Variants in PLCH1 observed in about 807,000 individuals in gnomAD.
PLCH1 encodes the protein phospholipase C eta 1, also known as 1-phosphatidylinositol 4,5-bisphosphate phosphodiesterase eta-1.
A neutral mutation model predicts 126.7 loss-of-function variants in PLCH1; 60 were observed. That is an observed-to-expected ratio of 0.47 (90% CI 0.38 to 0.59). PLCH1 has a LOEUF of 0.59. PLCH1 is among the 20% of genes least tolerant of loss of function. The probability of loss-of-function intolerance (pLI) is 0.00; values close to 1 mark genes in which losing one functional copy is unlikely to be tolerated. For synonymous variants in PLCH1, 719 were observed against 734.9 expected (o/e 0.98, Z 0.35); for missense variants, 1,723 against 2,040.0 (o/e 0.84, Z 2.99).
chr3:155,589,073 C>T (rs1428606077), intron 4 of PLCH1, among the ~76,000 whole-genome samples: 1 of 152,050 alleles, frequency 6.6e-6, no homozygotes, highest in Admixed American at 6.5e-5. Flanking sequence ...GAGAAACAGT[C>T]ATTCCTCAGA....
chr3:155,504,486 A>T, intron 13 of PLCH1, 69 bp downstream of exon 13: 1 of 854,084 alleles, frequency 1.2e-6, no homozygotes, highest in Non-Finnish European at 2.0e-6. Flanking sequence ...TCATGATGAT[A>T]TTCTCCTGTT....
At chr3:155,531,486 G>A (rs673417) in intron 10 of PLCH1, among the ~76,000 whole-genome samples, 119,670 of 151,866 alleles carry the variant, frequency 0.79, 49,523 homozygotes, top group Middle Eastern at 0.95. Context: ...TTAGCTGGGC[G>A]TGGTGGCACG....
At chr3:155,676,113 A>G in intron 2 of PLCH1, 9 of 1,407,732 alleles carry the variant, frequency 6.4e-6, no homozygotes, top group Non-Finnish European at 8.4e-6. Context: ...TTTTCCTGAT[A>G]CACATTTCCA....
chr3:155,728,145 C>T (rs1392243416), intron 1 of PLCH1, among the ~76,000 whole-genome samples: 1 of 152,118 alleles, frequency 6.6e-6, no homozygotes, highest in Non-Finnish European at 1.5e-5. Flanking sequence ...TGGTTCATTG[C>T]ATTTAGGAAA....
intron 10 of PLCH1, among the ~76,000 whole-genome samples, chr3:155,541,270 T>C (rs1724191244): frequency 1.3e-5 from 2 of 152,146 alleles, no homozygotes; most frequent in African/African-American, 4.8e-5. Context: ...AAAAGACTGC[T>C]CACTGGGTAC....
At chr3:155,586,264 G>A (rs558841518) in intron 4 of PLCH1, 70 bp from the exon 5 acceptor site, 22 of 1,499,072 alleles carry the variant, frequency 1.5e-5, no homozygotes, top group South Asian at 5.9e-5. Flanking sequence ...CAGAATACTC[G>A]CAAAGACATT....
At chr3:155,700,494 G>A (rs358710) in intron 2 of PLCH1, among the ~76,000 whole-genome samples, 60,651 of 151,984 alleles carry the variant, frequency 0.4, 12,860 homozygotes, top group African/African-American at 0.53. Flanking sequence ...TGGTTATTCC[G>A]AAATATTCAT....
chr3:155,511,309 C>G lies in PLCH1; in HGVS notation c.1632+3414G>C, dbSNP rs570871156. Among the ~76,000 whole-genome samples, 5 of 134,202 alleles carry G rather than the reference C, an allele frequency of 3.7e-5. No individual in the cohort carries two copies. In the East Asian group the frequency reaches 6.2e-4, roughly 17 times the overall value. 88.0% of individuals were successfully genotyped at this position (134,202 alleles called of 152,430 possible). On this transcript the variant is annotated intron_variant, in intron 12 of 22. Transcript: ENST00000460012. ...TTTGCCTTTGGTTTGAATGTCTTCC[C>G]GTAGCTCAGAGTAATTTGATCGTCT... is the stretch of plus-strand genomic sequence containing the variant.
intron 14 of PLCH1, 89 bp downstream of exon 14, chr3:155,500,612 TTC>T: frequency 1.3e-6 from 1 of 762,742 alleles, no homozygotes. Flanking sequence ...TGTGATCCAA[TTC>T]TCTAGACATG....
chr3:155,596,261 C>A lies in PLCH1; in HGVS notation c.197G>T (p.Arg66Leu), dbSNP rs776740395. Residue 66 changes from arginine (R) to leucine (L), a missense_variant, in exon 3 of 23, where the codon CGA (arginine) becomes CTA (leucine). Arg to Leu is a moderately radical substitution (Grantham distance 102). Coordinates refer to ENST00000460012, the MANE Select transcript of PLCH1 (RefSeq NM_014996.4). ...LDEHRTRLRW[R>L]PSRKSEKAKI... Reference sequence around the variant, plus strand: ...TGCCTTCTCACTCTTCCTAGAGGGTCGCCATCGGAGGCGTGTCCGGTGCTC... The same window carrying A: ...TGCCTTCTCACTCTTCCTAGAGGGTAGCCATCGGAGGCGTGTCCGGTGCTC... 1 of 1,613,450 alleles carries A rather than the reference C, an allele frequency of 6.2e-7. No individual in the cohort carries two copies. Among genetic ancestry groups the A allele is most frequent in the Admixed American group, 1.7e-5 (1 of 59,988 alleles).
rs369403020 is a variant in PLCH1, at chr3:155,707,306, C to T, written c.-40-3042G>A. 5.3e-5 allele frequency among the ~76,000 whole-genome samples: 8 copies of T among 152,220 alleles called. No homozygotes were observed. The South Asian group carries it at 1.5e-3, about 28-fold the overall frequency. Reference sequence around the variant, plus strand: ...AAATGAATCTACAGATGATTCTAACCCCAAGTATTTCAGATGAGGCCACAG... The same window carrying T: ...AAATGAATCTACAGATGATTCTAACTCCAAGTATTTCAGATGAGGCCACAG... On this transcript the variant is annotated intron_variant, in intron 1 of 22. Transcript: ENST00000460012.
chr3:155,657,439 G>A (rs1234199477), intron 2 of PLCH1, among the ~76,000 whole-genome samples: 1 of 152,180 alleles, frequency 6.6e-6, no homozygotes, highest in East Asian at 1.9e-4. Context: ...GGAAACAGCT[G>A]CCTAGAGAAG....
At chr3:155,744,681 C>T (rs149014741) in intron 1 of PLCH1, among the ~76,000 whole-genome samples, 159 bp downstream of exon 1, 2 of 152,280 alleles carry the variant, frequency 1.3e-5, no homozygotes, top group African/African-American at 4.8e-5. Context: ...GATCCCCACG[C>T]ACAGCACTCA....
intron 2 of PLCH1, among the ~76,000 whole-genome samples, chr3:155,653,481 C>T (rs1049378046): frequency 6.6e-6 from 1 of 152,206 alleles, no homozygotes; most frequent in Non-Finnish European, 1.5e-5. Context: ...CACACATGCA[C>T]TCAATTCCTT....
At chr3:155,686,071 C>T (rs1277351814) in intron 2 of PLCH1, among the ~76,000 whole-genome samples, 1 of 152,042 alleles carries the variant, frequency 6.6e-6, no homozygotes, top group Non-Finnish European at 1.5e-5. Flanking sequence ...GGCAAAGGGC[C>T]ATGAGGTATG....
At chr3:155,539,871 C>T (rs1005629254) in intron 10 of PLCH1, among the ~76,000 whole-genome samples, 18 of 151,954 alleles carry the variant, frequency 1.2e-4, no homozygotes, top group South Asian at 6.2e-4. Context: ...TCATTCCTCA[C>T]AAAACTGGAA....
chr3:155,596,222 T>C lies in PLCH1; in HGVS notation c.226+10A>G. 1 of 1,609,056 alleles carries C rather than the reference T, an allele frequency of 6.2e-7. No homozygotes were observed. The highest frequency in any genetic ancestry group is 8.5e-7 in the Non-Finnish European group (1 of 1,176,034). ...TCCAGCCAAGCAAAGAATTCAAAGA[T>C]TTGTTTTACTTTTTGCCTTCTCACT... On this transcript the variant is annotated intron_variant, in intron 3 of 22. Coordinates refer to ENST00000460012, the MANE Select transcript of PLCH1 (RefSeq NM_014996.4).
rs1466919685 is a variant in PLCH1 at position 155,561,311 on chromosome 3, G to A, written c.1069+3604C>T. 4.7e-5 allele frequency among the ~76,000 whole-genome samples: 6 copies of A among 126,546 alleles called. No individual in the cohort carries two copies. In the East Asian group the frequency reaches 1.4e-3, roughly 29 times the overall value. The allele number at this position is 126,546 out of a possible 152,430, so 83.0% of individuals were successfully genotyped here. A position where few individuals can be genotyped will look rare whatever the true frequency, so the allele number is the denominator to read the frequency against. On this transcript the variant is annotated intron_variant, in intron 8 of 22. Transcript: ENST00000460012. ...CCCCCACCCCACAACAGTCCCCAGA[G>A]TGTGATGTTCCCCTTCCTGTGTCCA... is the stretch of plus-strand genomic sequence containing the variant.
At chr3:155,636,609 G>T (rs1738752568) in intron 2 of PLCH1, among the ~76,000 whole-genome samples, 1 of 152,054 alleles carries the variant, frequency 6.6e-6, no homozygotes, top group African/African-American at 2.4e-5. Context: ...ATAGCTGGGT[G>T]TGGTGGCTCA....
Sources: gnomAD v4.1 joint callset for allele counts (sites outside exome capture counted in the v4.1 genomes callset) on GRCh38, gnomAD v4.1.1 for gene constraint, MANE v1.5 for transcripts, NCBI Gene and HGNC (gene_info 2026-07-23, HGNC 2026-07-21) for gene names.